The following CCDC110 variants were observed in gnomAD, a reference collection of about 807,000 sequenced individuals.
CCDC110 encodes coiled-coil domain containing 110, also known as coiled-coil domain-containing protein 110.
Under a neutral mutation model 77.1 loss-of-function variants are expected in CCDC110, and 70 were observed. The ratio of observed to expected loss-of-function variants is 0.91; its 90% confidence interval spans 0.75 to 1.11. The LOEUF (loss-of-function observed/expected upper bound fraction) is 1.11, where lower values mean the gene tolerates loss of function less well. Among genes scored for constraint, CCDC110 ranks in the 50% least tolerant of loss-of-function variants. The pLI, the probability that CCDC110 is intolerant of heterozygous loss-of-function variation, is 0.00. For synonymous variants in CCDC110, 295 were observed against 312.5 expected (o/e 0.94, Z 0.59); for missense variants, 868 against 942.9 (o/e 0.92, Z 1.04).
Position 185,460,033 on chromosome 4 carries a change from A to T in CCDC110, c.554T>A (p.Ile185Lys). Reference protein sequence around the residue: ...STDNLSSNIIIHPSENSDILK... With the variant: ...STDNLSSNIIKHPSENSDILK... ...GATGTCAGAATTTTCTGAAGGGTGT[A>T]TAATTATGTTTGAAGATAAATTGTC... Residue 185 changes from isoleucine (I) to lysine (K), a missense_variant, in exon 6 of 7, where the codon ATA (isoleucine) becomes AAA (lysine). Coordinates refer to ENST00000307588, the MANE Select transcript of CCDC110 (RefSeq NM_152775.4). 6.2e-7 allele frequency: 1 copy of T among 1,613,640 alleles called. No homozygotes were observed.
At chr4:185,447,391 A>G (rs932347153) in intron 6 of CCDC110, among the ~76,000 whole-genome samples, 15 of 152,196 alleles carry the variant, frequency 9.9e-5, no homozygotes, top group Non-Finnish European at 1.6e-4. Flanking sequence ...TGTGTTAGCC[A>G]GGATGGACTT....
Position 185,471,662 on chromosome 4 carries a change from T to C in CCDC110, c.10+12A>G, listed in dbSNP as rs2153327031. 1.3e-6 allele frequency: 2 copies of C among 1,563,600 alleles called. No homozygotes were observed. Among genetic ancestry groups the C allele is most frequent in the East Asian group, 2.6e-5 (1 of 38,930 alleles). ...CGGCTCCCCTAGGAGCCCCGCCCCG[T>C]CCAACTCTTACCCGGGCTCATCGCC... On this transcript the variant is annotated intron_variant, in intron 1 of 6. Coordinates refer to ENST00000307588, the MANE Select transcript of CCDC110 (RefSeq NM_152775.4).
At chr4:185,465,469 G>A (rs930134510) in intron 2 of CCDC110, among the ~76,000 whole-genome samples, 32 of 152,188 alleles carry the variant, frequency 2.1e-4, no homozygotes, top group African/African-American at 7.7e-4. Flanking sequence ...TGGCCTCACC[G>A]TGATTGCACT....
At chr4:185,447,873 T>C (rs956963898) in intron 6 of CCDC110, among the ~76,000 whole-genome samples, 1 of 152,172 alleles carries the variant, frequency 6.6e-6, no homozygotes, top group East Asian at 1.9e-4. Flanking sequence ...CACTAATGTA[T>C]GAGATGCTAT....
At chr4:185,448,735 A>C (rs2095622119) in intron 6 of CCDC110, among the ~76,000 whole-genome samples, 1 of 152,122 alleles carries the variant, frequency 6.6e-6, no homozygotes, top group Admixed American at 6.5e-5. Context: ...GTAAAATTAG[A>C]ATTTTCCTCA....
At chr4:185,454,672 C>T (rs536914816) in intron 6 of CCDC110, among the ~76,000 whole-genome samples, 4 of 152,024 alleles carry the variant, frequency 2.6e-5, no homozygotes, top group South Asian at 4.2e-4. Flanking sequence ...TGAGATCAGG[C>T]CACTGCACTC....
At chr4:185,449,702 C>G in intron 6 of CCDC110, 1 of 1,190,402 alleles carries the variant, frequency 8.4e-7, no homozygotes, top group Non-Finnish European at 1.2e-6. Flanking sequence ...CTATCAAGAG[C>G]TAATTATTTG....
At chr4:185,464,566 A>G (rs1156613639) in intron 2 of CCDC110, among the ~76,000 whole-genome samples, 5 of 152,136 alleles carry the variant, frequency 3.3e-5, no homozygotes, top group African/African-American at 7.2e-5. Flanking sequence ...AGGAAACACA[A>G]CGTTTTTCAG....
At chr4:185,453,389 C>T (rs543674767) in intron 6 of CCDC110, among the ~76,000 whole-genome samples, 69 of 152,242 alleles carry the variant, frequency 4.5e-4, no homozygotes, top group Admixed American at 8.5e-4. Flanking sequence ...TTATATAATG[C>T]GATGTGCCAG....
At chr4:185,452,122 ATTG>A (rs776036794) in intron 6 of CCDC110, 30 of 872,418 alleles carry the variant, frequency 3.4e-5, no homozygotes, top group African/African-American at 5.5e-5. Context: ...TTTTCTTACA[ATTG>A]TTGTCTCTTC....
intron 6 of CCDC110, among the ~76,000 whole-genome samples, chr4:185,456,201 T>C (rs1322495731): frequency 6.6e-6 from 1 of 152,016 alleles, no homozygotes; most frequent in African/African-American, 2.4e-5. Flanking sequence ...AAAAGAAAAA[T>C]AACTGAAAAT....
chr4:185,469,162 G>T (rs376084281), intron 2 of CCDC110, among the ~76,000 whole-genome samples: 14 of 152,326 alleles, frequency 9.2e-5, no homozygotes, highest in African/African-American at 3.4e-4. Flanking sequence ...TGCAAATCAG[G>T]TCATTATTTT....
intron 2 of CCDC110, among the ~76,000 whole-genome samples, chr4:185,466,158 G>A (rs372611835): frequency 4.6e-5 from 7 of 152,018 alleles, no homozygotes; most frequent in South Asian, 2.1e-4. Flanking sequence ...GGCAGATCAC[G>A]AGGTCAGGAG....
Position 185,465,952 on chromosome 4 carries a change from A to C in CCDC110, c.116-2903T>G, listed in dbSNP as rs188288406. Among the ~76,000 whole-genome samples, 248 of 152,316 alleles carry C rather than the reference A, an allele frequency of 1.6e-3. 2 individuals carry two copies. The highest frequency in any genetic ancestry group is 7.8e-4 in the Non-Finnish European group (53 of 68,040). On this transcript the variant is annotated intron_variant, in intron 2 of 6. Transcript: ENST00000307588. ...TGGGGGAAAACAGTAGAGTAGGAACATACTTTAGGAGAAAAACATTTTTAG... is the reference window on the plus strand; with the variant it reads ...TGGGGGAAAACAGTAGAGTAGGAACCTACTTTAGGAGAAAAACATTTTTAG...
chr4:185,451,319 T>C (rs547776913), intron 6 of CCDC110, among the ~76,000 whole-genome samples: 94 of 152,306 alleles, frequency 6.2e-4, no homozygotes, highest in African/African-American at 2.2e-3. Context: ...CTTCTGCCGG[T>C]CCAGGCTGCC....
intron 2 of CCDC110, among the ~76,000 whole-genome samples, chr4:185,469,272 G>A (rs1224309280): frequency 6.6e-6 from 1 of 152,210 alleles, no homozygotes; most frequent in Admixed American, 6.5e-5. Context: ...GCCTATAGTT[G>A]CAGGCAGGAA....
At chr4:185,465,824 C>T (rs561922624) in intron 2 of CCDC110, among the ~76,000 whole-genome samples, 74 of 152,188 alleles carry the variant, frequency 4.9e-4, no homozygotes, top group Non-Finnish European at 8.1e-4. Flanking sequence ...GGAGATGAAG[C>T]CAGCAGCATT....
intron 6 of CCDC110, among the ~76,000 whole-genome samples, chr4:185,447,205 G>A (rs529468615): frequency 1.0e-4 from 15 of 149,860 alleles, no homozygotes; most frequent in Admixed American, 4.0e-4. Context: ...TTTTTGAGAC[G>A]GAGTCTCACT....
chr4:185,451,788 T>C (rs2153318346), intron 6 of CCDC110, among the ~76,000 whole-genome samples: 1 of 152,366 alleles, frequency 6.6e-6, no homozygotes, highest in South Asian at 2.1e-4. Context: ...TTCAAAATCA[T>C]AATTGTTCAT....
Sources: gnomAD v4.1 joint callset for allele counts (sites outside exome capture counted in the v4.1 genomes callset) on GRCh38, gnomAD v4.1.1 for gene constraint, MANE v1.5 for transcripts, NCBI Gene and HGNC (gene_info 2026-07-23, HGNC 2026-07-21) for gene names.